Variants in UNC13C observed in about 807,000 individuals in gnomAD.
The protein encoded by UNC13C is protein unc-13 homolog C.
A neutral mutation model predicts 245.4 loss-of-function variants in UNC13C; 174 were observed. The ratio of observed to expected loss-of-function variants is 0.71; its 90% CI spans 0.63 to 0.80. The LOEUF (loss-of-function observed/expected upper bound fraction) is 0.80, where lower values mean the gene tolerates loss of function less well. Among genes scored for constraint, UNC13C ranks in the 30% least tolerant of loss-of-function variants. The pLI is 0.00. For synonymous variants in UNC13C, 992 were observed against 895.1 expected (o/e 1.11, Z -1.93); for missense variants, 2,829 against 2,602.9 (o/e 1.09, Z -1.89).
intron 10 of UNC13C, among the ~76,000 whole-genome samples, chr15:54,267,125 T>C (rs2036566967): frequency 6.6e-6 from 1 of 152,096 alleles, no homozygotes; most frequent in Non-Finnish European, 1.5e-5. Flanking sequence ...AATGAATGAC[T>C]CATGCTAAAA....
chr15:54,512,782 C>G (rs16974701), intron 24 of UNC13C, among the ~76,000 whole-genome samples: 9,306 of 152,192 alleles, frequency 0.061, 521 homozygotes, highest in African/African-American at 0.15. Context: ...GTAAATATCC[C>G]TTTTATTTCT....
At chr15:54,128,201 C>T (rs1302004711) in intron 2 of UNC13C, among the ~76,000 whole-genome samples, 1 of 152,088 alleles carries the variant, frequency 6.6e-6, no homozygotes, top group African/African-American at 2.4e-5. Context: ...ATAAATATAG[C>T]TAATGAAGGA....
chr15:54,148,235 A>T (rs990320172), intron 4 of UNC13C, among the ~76,000 whole-genome samples: 19 of 152,232 alleles, frequency 1.2e-4, no homozygotes, highest in African/African-American at 4.6e-4. Context: ...AAAAATATTA[A>T]TAAGAAACGT....
At chr15:53,885,443 G>A in the UNC13C span, among the ~76,000 whole-genome samples, 1 of 152,152 alleles carries the variant, frequency 6.6e-6, no homozygotes, top group African/African-American at 2.4e-5. Flanking sequence ...ATGCAGAGAG[G>A]CCAAGAAAAA....
intron 2 of UNC13C, among the ~76,000 whole-genome samples, chr15:54,076,789 T>C (rs1898652503): frequency 1.3e-5 from 2 of 152,242 alleles, no homozygotes; most frequent in South Asian, 4.1e-4. Flanking sequence ...GGAGTATTCT[T>C]TGCTGTTAAG....
chr15:54,020,851 T>C (rs1040277671), intron 2 of UNC13C, among the ~76,000 whole-genome samples: 7 of 145,456 alleles, frequency 4.8e-5, no homozygotes, highest in Non-Finnish European at 1.1e-4. Context: ...AACTTGGGGC[T>C]TTTTTTTTGT....
intron 4 of UNC13C, among the ~76,000 whole-genome samples, chr15:54,192,898 CCACACA>C (rs71436273): frequency 1.4e-5 from 2 of 148,128 alleles, no homozygotes; most frequent in Admixed American, 6.8e-5. Flanking sequence ...TTTCTCTGTG[CCACACA>C]CACACACACA....
chr15:54,094,280 C>G (rs1899732824), intron 2 of UNC13C, among the ~76,000 whole-genome samples: 1 of 152,162 alleles, frequency 6.6e-6, no homozygotes, highest in Non-Finnish European at 1.5e-5. Flanking sequence ...AGTTTGACAG[C>G]ACTCCCAGCC....
At chr15:54,541,635 C>G (rs1343978093) in intron 26 of UNC13C, among the ~76,000 whole-genome samples, 1 of 152,110 alleles carries the variant, frequency 6.6e-6, no homozygotes, top group Non-Finnish European at 1.5e-5. Flanking sequence ...TTACTAGCTT[C>G]ACTTCCGTGG....
intron 2 of UNC13C, among the ~76,000 whole-genome samples, chr15:54,072,633 G>A (rs1433468706): frequency 6.6e-6 from 1 of 152,062 alleles, no homozygotes; most frequent in Non-Finnish European, 1.5e-5. Flanking sequence ...GATTTTAAAG[G>A]GAAGTTCAGT....
intron 30 of UNC13C, among the ~76,000 whole-genome samples, chr15:54,600,294 C>T (rs904476696): frequency 6.6e-6 from 1 of 152,036 alleles, no homozygotes; most frequent in Admixed American, 6.6e-5. Flanking sequence ...CTAGGGAACA[C>T]TGTGTAGAAA....
At chr15:54,133,405 C>T (rs1403444278) in intron 2 of UNC13C, among the ~76,000 whole-genome samples, 2 of 152,134 alleles carry the variant, frequency 1.3e-5, no homozygotes, top group East Asian at 1.9e-4. Flanking sequence ...TAGTGCTGTT[C>T]GCCGAGTAAA....
Position 54,186,836 on chromosome 15 carries a change from A to ATATATATATATATATATATATATATAT in UNC13C, c.3071+43152_3071+43153insTATATATATATATATATATATATATAT, listed in dbSNP as rs1567079825. Among the ~76,000 whole-genome samples the ATATATATATATATATATATATATATAT allele has an allele frequency of 6.2e-3, 777 of 125,796 alleles. 24 individuals are homozygous for ATATATATATATATATATATATATATAT. Among genetic ancestry groups the ATATATATATATATATATATATATATAT allele is most frequent in the Non-Finnish European group, 0.011 (626 of 59,350 alleles). 82.5% of individuals were successfully genotyped at this position (125,796 alleles called of 152,430 possible). A position where few individuals can be genotyped will look rare whatever the true frequency, so the allele number is the denominator to read the frequency against. ...GTCCACTGACACATACAAAGAACAT[A>ATATATATATATATATATATATATATAT]ATATATATGTATATATATATTTTGT... is the stretch of plus-strand genomic sequence containing the variant. On this transcript the variant is annotated intron_variant, in intron 4 of 32. Transcript: ENST00000260323.
Position 54,543,037 on chromosome 15 carries a change from C to T in UNC13C, c.5697-3685C>T, listed in dbSNP as rs545283952. The stretch of plus-strand genomic sequence containing the variant: ...TTGTTATGTGTGAATTTGGTCCTGT[C>T]GCTATGATGCTACCTGGTTATTTTG... On this transcript the variant is annotated intron_variant, in intron 26 of 32. Coordinates refer to ENST00000260323, the MANE Select transcript of UNC13C (RefSeq NM_001080534.3). Among the ~76,000 whole-genome samples, 9 of 152,170 alleles carry T rather than the reference C, an allele frequency of 5.9e-5. No homozygotes were observed. The East Asian group carries it at 1.2e-3, about 20-fold the overall frequency.
At chr15:53,993,382 C>G (rs184359718) in intron 1 of UNC13C, among the ~76,000 whole-genome samples, 1 of 152,022 alleles carries the variant, frequency 6.6e-6, no homozygotes, top group African/African-American at 2.4e-5. Flanking sequence ...AGCACTTGAC[C>G]GTGAACCTCT....
the UNC13C span, among the ~76,000 whole-genome samples, chr15:53,931,361 G>T: frequency 2.6e-5 from 4 of 151,934 alleles, no homozygotes; most frequent in African/African-American, 9.7e-5. Flanking sequence ...TAGAGACAGG[G>T]TTTCACCATG....
intron 22 of UNC13C, among the ~76,000 whole-genome samples, chr15:54,501,825 C>T (rs1036917916): frequency 6.6e-6 from 1 of 152,056 alleles, no homozygotes; most frequent in African/African-American, 2.4e-5. Context: ...AGAGGAATAG[C>T]GGGAACAAAG....
At chr15:54,465,846 A>G (rs1300448950) in intron 19 of UNC13C, among the ~76,000 whole-genome samples, 1 of 152,064 alleles carries the variant, frequency 6.6e-6, no homozygotes, top group Non-Finnish European at 1.5e-5. Context: ...GATGTTGCAT[A>G]TATTTAAGTT....
chr15:54,245,657 A>G (rs988868638), intron 7 of UNC13C, among the ~76,000 whole-genome samples: 1 of 152,170 alleles, frequency 6.6e-6, no homozygotes, highest in Admixed American at 6.5e-5. Context: ...ACAAATTTCA[A>G]AAAGATCATA....
Sources: allele counts gnomAD v4.1 joint callset (sites outside exome capture counted in the v4.1 genomes callset), GRCh38; gene constraint gnomAD v4.1.1; transcripts MANE v1.5; gene names NCBI Gene and HGNC (gene_info 2026-07-23, HGNC 2026-07-21).